Variants in PARN observed in about 807,000 individuals in gnomAD.
The protein encoded by PARN is poly(A)-specific ribonuclease PARN.
PARN carries 71 observed loss-of-function variants against 102.8 expected under a neutral mutation model. That is an observed-to-expected ratio of 0.69 (90% CI 0.57 to 0.84). The LOEUF (loss-of-function observed/expected upper bound fraction) is 0.84, where lower values mean the gene tolerates loss of function less well. Among genes scored for constraint, PARN ranks in the 40% least tolerant of loss-of-function variants. The pLI, the probability that PARN is intolerant of heterozygous loss-of-function variation, is 0.00. For missense variants in PARN, 782 were observed against 760.9 expected (o/e 1.03, Z -0.33); for synonymous variants, 261 against 252.9 (o/e 1.03, Z -0.30).
chr16:14,595,981 G>C (rs1451993157), intron 12 of PARN, among the ~76,000 whole-genome samples: 1 of 152,068 alleles, frequency 6.6e-6, no homozygotes, highest in Non-Finnish European at 1.5e-5. Flanking sequence ...CATTTATATA[G>C]ATCCACACAC....
chr16:14,484,335 T>C (rs941533365), intron 21 of PARN, among the ~76,000 whole-genome samples: 1 of 152,166 alleles, frequency 6.6e-6, no homozygotes, highest in African/African-American at 2.4e-5. Flanking sequence ...TTGGTGCCCA[T>C]TTGCTACTTC....
At chr16:14,601,408 T>C (rs1483887611) in intron 11 of PARN, among the ~76,000 whole-genome samples, 2 of 152,076 alleles carry the variant, frequency 1.3e-5, no homozygotes, top group South Asian at 2.1e-4. Flanking sequence ...CAAATTCATA[T>C]GACAGTAAGT....
chr16:14,628,292 T>A (rs764752434), intron 2 of PARN, 41 bp from the exon 3 acceptor site: 3 of 1,133,648 alleles, frequency 2.6e-6, no homozygotes, highest in Non-Finnish European at 4.0e-6. Context: ...TACTAATAAA[T>A]ACTAACGTAA....
chr16:14,598,806 G>A (rs751671828), intron 12 of PARN, among the ~76,000 whole-genome samples: 2 of 152,132 alleles, frequency 1.3e-5, no homozygotes, highest in African/African-American at 2.4e-5. Context: ...CCTGCAGCTG[G>A]CAGTGAGACA....
chr16:14,616,675 T>C (rs1250943255), intron 6 of PARN, among the ~76,000 whole-genome samples: 4 of 151,762 alleles, frequency 2.6e-5, no homozygotes, highest in African/African-American at 9.7e-5. Flanking sequence ...GCCCAGGAGG[T>C]CAAGGCTCCG....
chr16:14,515,932 C>A (rs1260101784), intron 21 of PARN, among the ~76,000 whole-genome samples: 1 of 151,972 alleles, frequency 6.6e-6, no homozygotes, highest in Non-Finnish European at 1.5e-5. Flanking sequence ...CAGATAGATA[C>A]TCGACTAAAA....
chr16:14,437,110 G>A (rs1187523912), intron 23 of PARN, among the ~76,000 whole-genome samples: 2 of 152,122 alleles, frequency 1.3e-5, no homozygotes, highest in East Asian at 1.9e-4. Context: ...GCAATACAGC[G>A]GGCATTTAAT....
intron 2 of PARN, among the ~76,000 whole-genome samples, chr16:14,629,256 A>T (rs1303039111): frequency 6.6e-6 from 1 of 152,236 alleles, no homozygotes; most frequent in Non-Finnish European, 1.5e-5. Flanking sequence ...AGCCACTTAA[A>T]ATGGCAAATT....
At chr16:14,545,109 G>A (rs1966873844) in intron 21 of PARN, among the ~76,000 whole-genome samples, 1 of 151,938 alleles carries the variant, frequency 6.6e-6, no homozygotes. Context: ...GATGGCTTGA[G>A]CCCAGGAGGT....
intron 12 of PARN, among the ~76,000 whole-genome samples, chr16:14,599,037 CTTTT>C (rs71150194): frequency 3.3e-4 from 27 of 81,460 alleles, no homozygotes; most frequent in South Asian, 8.0e-4. Flanking sequence ...TTCTCCTCTT[CTTTT>C]TTTTTTTTTT....
At chr16:14,536,039 G>A (rs1376031314) in intron 21 of PARN, among the ~76,000 whole-genome samples, 1 of 151,958 alleles carries the variant, frequency 6.6e-6, no homozygotes, top group African/African-American at 2.4e-5. Context: ...TTTAAAAATT[G>A]TATTACACAT....
At chr16:14,524,021 A>C (rs1323219197) in intron 21 of PARN, among the ~76,000 whole-genome samples, 2 of 152,192 alleles carry the variant, frequency 1.3e-5, no homozygotes, top group Non-Finnish European at 2.9e-5. Context: ...TGTTTACCTA[A>C]ACACAGAAAA....
rs35329440 is a variant in PARN at position 14,593,492 on chromosome 16, TAAAAAAAAAAAA to T, written c.841-126_841-115del. Reference sequence around the variant, plus strand: ...TTGTACTAAACTCGCTTTCCAGACTTAAAAAAAAAAAAAAAAAAAAAAAAAAAAAAAGTACAA... The same window carrying T: ...TTGTACTAAACTCGCTTTCCAGACTTAAAAAAAAAAAAAAAAAAAGTACAA... On this transcript the variant is annotated intron_variant, in intron 12 of 23. Coordinates refer to ENST00000437198, the MANE Select transcript of PARN (RefSeq NM_002582.4). 8.9e-3 allele frequency: 282 copies of T among 31,802 alleles called. 2 individuals are homozygous for T. The highest frequency in any genetic ancestry group is 0.032 in the East Asian group (31 of 964). The allele number at this position is 31,802 out of a possible 1,614,324, so 2.0% of individuals were successfully genotyped here. A position where few individuals can be genotyped will look rare whatever the true frequency, so the allele number is the denominator to read the frequency against.
At chr16:14,617,042 T>G (rs994929339) in intron 6 of PARN, among the ~76,000 whole-genome samples, 15 of 150,764 alleles carry the variant, frequency 9.9e-5, no homozygotes, top group African/African-American at 3.7e-4. Flanking sequence ...CTATTCTGTT[T>G]AGCTCATGGC....
rs7203492 is a variant in PARN at position 14,458,409 on chromosome 16, T to C, written c.1671-11328A>G. ...CCAAAAGGCCAACTATTTCAGAAAA[T>C]AAACTACTTTTTAAAAATTTCCAGG... On this transcript the variant is annotated intron_variant, in intron 22 of 23. Transcript: ENST00000437198. Among the ~76,000 whole-genome samples, 352 of 152,060 alleles carry C rather than the reference T, an allele frequency of 2.3e-3. 1 individual carries two copies. Among genetic ancestry groups the C allele is most frequent in the African/African-American group, 6.5e-3 (268 of 41,486 alleles).
At chr16:14,600,904 A>G (rs1320874129) in intron 11 of PARN, among the ~76,000 whole-genome samples, 2 of 152,182 alleles carry the variant, frequency 1.3e-5, no homozygotes, top group East Asian at 3.9e-4. Flanking sequence ...ATTGCACTCC[A>G]GCCTGGGCAA....
At chr16:14,509,290 C>T (rs1236420695) in intron 21 of PARN, among the ~76,000 whole-genome samples, 2 of 152,154 alleles carry the variant, frequency 1.3e-5, no homozygotes, top group African/African-American at 4.8e-5. Context: ...CATAGATAAT[C>T]TCTTGGCAAC....
At chr16:14,617,256 C>T (rs531156416) in intron 6 of PARN, among the ~76,000 whole-genome samples, 2 of 151,412 alleles carry the variant, frequency 1.3e-5, no homozygotes, top group South Asian at 2.1e-4. Context: ...TGGTGGCGGG[C>T]ACCTGTAGTC....
At chr16:14,451,646 T>C (rs942483928) in intron 22 of PARN, among the ~76,000 whole-genome samples, 3 of 151,974 alleles carry the variant, frequency 2.0e-5, no homozygotes, top group Non-Finnish European at 1.5e-5. Flanking sequence ...GATTGACTGG[T>C]AGAAAATGAG....
Sources: allele counts gnomAD v4.1 joint callset (sites outside exome capture counted in the v4.1 genomes callset), GRCh38; gene constraint gnomAD v4.1.1; transcripts MANE v1.5; gene names NCBI Gene and HGNC (gene_info 2026-07-23, HGNC 2026-07-21).